The following STK32B variants were observed in gnomAD, a reference collection of about 807,000 sequenced individuals.
STK32B encodes the protein serine/threonine kinase 32B, also known as serine/threonine-protein kinase 32B.
Under a neutral mutation model 52.6 loss-of-function variants are expected in STK32B, and 43 were observed. The observed-to-expected ratio is 0.82, with a 90% CI of 0.64 to 1.05. The LOEUF (loss-of-function observed/expected upper bound fraction) is 1.05, where lower values mean the gene tolerates loss of function less well. Ranked by LOEUF, STK32B falls within the 50% of genes least tolerant of loss-of-function variation. STK32B has a pLI of 0.00. For synonymous variants in STK32B, 238 were observed against 204.3 expected (o/e 1.17, Z -1.41); for missense variants, 621 against 534.6 (o/e 1.16, Z -1.59).
intron 4 of STK32B, among the ~76,000 whole-genome samples, chr4:5,356,197 A>AT (rs1276317146): frequency 6.6e-6 from 1 of 152,096 alleles, no homozygotes; most frequent in Non-Finnish European, 1.5e-5. Context: ...TTCTGGTAGC[A>AT]TTCCTCAGCC....
At chr4:5,401,277 GT>G (rs1295119492) in intron 5 of STK32B, among the ~76,000 whole-genome samples, 1 of 152,260 alleles carries the variant, frequency 6.6e-6, no homozygotes, top group African/African-American at 2.4e-5. Context: ...TGCACCTTTT[GT>G]AAACTGCATG....
At position 5,420,348 on chromosome 4, in the gene STK32B, C is replaced by T. The variant is rs753366741; in HGVS notation, c.562+3414C>T. 3.9e-5 allele frequency among the ~76,000 whole-genome samples: 6 copies of T among 152,138 alleles called. No homozygotes were observed. The South Asian group carries it at 1.0e-3, about 26-fold the overall frequency. On this transcript the variant is annotated intron_variant, in intron 6 of 11. Transcript: ENST00000282908. ...TTTTTGTTGACGACCTTTCTGAGAT[C>T]GCTTTCTGGAAGGACCTGGAGCTGG... is the stretch of plus-strand genomic sequence containing the variant.
At chr4:5,183,259 C>T (rs1459515554) in intron 3 of STK32B, among the ~76,000 whole-genome samples, 2 of 152,120 alleles carry the variant, frequency 1.3e-5, no homozygotes, top group Non-Finnish European at 2.9e-5. Flanking sequence ...AGGCAGATCA[C>T]CTGAGGTCAG....
intron 4 of STK32B, among the ~76,000 whole-genome samples, chr4:5,364,917 C>G (rs890628146): frequency 6.6e-6 from 1 of 152,030 alleles, no homozygotes; most frequent in African/African-American, 2.4e-5. Flanking sequence ...CTCTTGTTGC[C>G]CAGGCTGGAG....
At chr4:5,337,710 GA>G (rs879845274) in intron 4 of STK32B, among the ~76,000 whole-genome samples, 150 of 144,712 alleles carry the variant, frequency 1.0e-3, no homozygotes, top group Middle Eastern at 7.1e-3. Flanking sequence ...AGAGGTTCAG[GA>G]AAAAAAAAAA....
chr4:5,183,200 G>A (rs949128200), intron 3 of STK32B, among the ~76,000 whole-genome samples: 2 of 152,128 alleles, frequency 1.3e-5, no homozygotes, highest in African/African-American at 2.4e-5. Flanking sequence ...GGCATTGGCC[G>A]GGCATGGTGG....
intron 3 of STK32B, among the ~76,000 whole-genome samples, chr4:5,258,483 C>T (rs923251677): frequency 6.6e-6 from 1 of 152,176 alleles, no homozygotes; most frequent in African/African-American, 2.4e-5. Flanking sequence ...TGCCCTGCCT[C>T]CCTGTTGCAA....
At chr4:5,217,118 G>A (rs1723226432) in intron 3 of STK32B, among the ~76,000 whole-genome samples, 1 of 152,152 alleles carries the variant, frequency 6.6e-6, no homozygotes, top group African/African-American at 2.4e-5. Flanking sequence ...CTTCCTTGAG[G>A]CCAATTATGC....
chr4:5,117,378 ATCTGTT>A (rs1348723023), intron 1 of STK32B, among the ~76,000 whole-genome samples: 3 of 148,774 alleles, frequency 2.0e-5, no homozygotes, highest in Non-Finnish European at 4.4e-5. Flanking sequence ...CTTTTTCTGC[ATCTGTT>A]TAGATGATCA....
chr4:5,152,709 C>G (rs1020490639), intron 2 of STK32B, among the ~76,000 whole-genome samples: 5 of 152,260 alleles, frequency 3.3e-5, no homozygotes, highest in African/African-American at 1.2e-4. Flanking sequence ...TGTCCTGCAC[C>G]TTTGGCTTGC....
intron 1 of STK32B, among the ~76,000 whole-genome samples, chr4:5,136,501 T>C (rs1199969173): frequency 1.3e-5 from 2 of 152,196 alleles, no homozygotes; most frequent in East Asian, 3.9e-4. Context: ...TGGGTTCCTG[T>C]TCAGAAACCA....
At chr4:5,221,078 G>C (rs1046346233) in intron 3 of STK32B, among the ~76,000 whole-genome samples, 3 of 152,094 alleles carry the variant, frequency 2.0e-5, no homozygotes, top group Non-Finnish European at 4.4e-5. Context: ...GAGGGTGCCT[G>C]GACCTCTCAG....
Position 5,331,383 on chromosome 4 carries a change from A to G in STK32B, c.424A>G (p.Ile142Val), listed in dbSNP as rs1732240426. The change falls in exon 4 of 12, where the codon ATC (isoleucine) becomes GTC (valine). Residue 142 changes from isoleucine (I) to valine (V), a missense_variant. Ile to Val is a conservative substitution (Grantham distance 29). Transcript: ENST00000282908. ...CCTGGAGTATCTTCAGAGGTACCAC[A>G]TCATCCACAGGTAACTGGGCTGCTG... is the stretch of plus-strand genomic sequence containing the variant. ...LALEYLQRYH[I>V]IHRDIKPDNI... 1 of 1,611,504 alleles carries G rather than the reference A, an allele frequency of 6.2e-7. No homozygotes were observed. The highest frequency in any genetic ancestry group is 1.3e-5 in the African/African-American group (1 of 74,876).
At chr4:5,251,140 T>C (rs900615861) in intron 3 of STK32B, among the ~76,000 whole-genome samples, 5 of 152,346 alleles carry the variant, frequency 3.3e-5, no homozygotes, top group South Asian at 2.1e-4. Flanking sequence ...CTAGGCCCAA[T>C]GTCTAGAATG....
At chr4:5,315,939 A>G (rs975309907) in intron 3 of STK32B, among the ~76,000 whole-genome samples, 9 of 150,638 alleles carry the variant, frequency 6.0e-5, no homozygotes, top group African/African-American at 2.2e-4. Context: ...TCCTGACCTC[A>G]GGTGATCTGC....
At chr4:5,311,591 G>C (rs1730292204) in intron 3 of STK32B, among the ~76,000 whole-genome samples, 1 of 151,992 alleles carries the variant, frequency 6.6e-6, no homozygotes, top group Non-Finnish European at 1.5e-5. Context: ...AACCAGGAAT[G>C]AAACAGAGGC....
chr4:5,022,071 GC>G, the STK32B span, among the ~76,000 whole-genome samples: 2 of 152,098 alleles, frequency 1.3e-5, no homozygotes, highest in Non-Finnish European at 2.9e-5. Flanking sequence ...ACACAAGCTT[GC>G]CTGCCGAGCC....
At chr4:5,129,474 G>T (rs1471495595) in intron 1 of STK32B, among the ~76,000 whole-genome samples, 1 of 152,166 alleles carries the variant, frequency 6.6e-6, no homozygotes, top group African/African-American at 2.4e-5. Context: ...ACTATTTGTT[G>T]AATGAATAAA....
At chr4:5,366,084 AC>A (rs1197027731) in intron 4 of STK32B, among the ~76,000 whole-genome samples, 1 of 151,900 alleles carries the variant, frequency 6.6e-6, no homozygotes, top group Non-Finnish European at 1.5e-5. Context: ...AACTAGGCCA[AC>A]CTGTCAATGG....
Sources: allele counts gnomAD v4.1 joint callset (sites outside exome capture counted in the v4.1 genomes callset), GRCh38; gene constraint gnomAD v4.1.1; transcripts MANE v1.5; gene names NCBI Gene and HGNC (gene_info 2026-07-23, HGNC 2026-07-21).